Variants in MYPN observed in about 807,000 individuals in gnomAD.
MYPN encodes sarcomeric protein myopalladin, 145 kDa (MYOP).
MYPN carries 63 observed loss-of-function variants against 129.4 expected under a neutral mutation model. The ratio of observed to expected loss-of-function variants is 0.49; its 90% CI spans 0.40 to 0.60. The LOEUF is 0.60. Ranked by LOEUF, MYPN falls within the 20% of genes least tolerant of loss-of-function variation. The pLI, the probability that MYPN is intolerant of heterozygous loss-of-function variation, is 0.00. For missense variants in MYPN, 1,596 were observed against 1,635.4 expected, an observed-to-expected ratio of 0.98 and a Z score of 0.42; for synonymous variants, 629 against 600.9, an observed-to-expected ratio of 1.05 and a Z score of -0.68.
At chr10:68,196,796 T>TGCCTCCTCCTCC (rs2043614462) in intron 15 of MYPN, among the ~76,000 whole-genome samples, 1 of 152,082 alleles carries the variant, frequency 6.6e-6, no homozygotes, top group East Asian at 1.9e-4. Context: ...CCTCTCCCTT[T>TGCCTCCTCCTCC]GCCTCCTCCT....
intron 2 of MYPN, chr10:68,136,678 A>T (rs2134043089): frequency 6.5e-7 from 1 of 1,535,252 alleles, no homozygotes; most frequent in Non-Finnish European, 8.7e-7. Context: ...GAATCATTCC[A>T]CTTATCTCCT....
rs1201997427 is a variant in MYPN, at chr10:68,116,746, G to T, written c.-1-4692G>T. On this transcript the variant is annotated intron_variant, in intron 1 of 19. Transcript: ENST00000358913. The stretch of plus-strand genomic sequence containing the variant: ...AGCGAGAGTCTATCTCAAAAAAAAA[G>T]AAAGAAAAGAAAGAAAAAAGAAAAC... Among the ~76,000 whole-genome samples, 3 of 151,516 alleles carry T rather than the reference G, an allele frequency of 2.0e-5. No individual in the cohort carries two copies. The East Asian group carries it at 5.8e-4, about 29-fold the overall frequency.
chr10:68,194,016 G>A (rs2043560456), intron 13 of MYPN, among the ~76,000 whole-genome samples: 1 of 151,876 alleles, frequency 6.6e-6, no homozygotes, highest in Non-Finnish European at 1.5e-5. Flanking sequence ...CCACTCTCCT[G>A]GTTTTCATTA....
chr10:68,150,063 G>T lies in MYPN; in HGVS notation c.1269G>T (p.Leu423Phe). 6.2e-7 allele frequency: 1 copy of T among 1,613,850 alleles called. No individual in the cohort carries two copies. Among genetic ancestry groups the T allele is most frequent in the Non-Finnish European group, 8.5e-7 (1 of 1,179,798 alleles). ...AGTGTCAGAGCCCCACCAATTACTT[G>T]CAGGGATTGGATGGAAAACCTATCA... Reference protein sequence around the residue: ...IQQCQSPTNYLQGLDGKPIIA... With the variant: ...IQQCQSPTNYFQGLDGKPIIA... The change falls in exon 6 of 20, where the codon TTG (leucine) becomes TTT (phenylalanine). Residue 423 changes from leucine to phenylalanine, a missense_variant. Coordinates refer to ENST00000358913, the MANE Select transcript of MYPN (RefSeq NM_032578.4).
chr10:68,162,820 G>A (rs888766322), intron 8 of MYPN, among the ~76,000 whole-genome samples: 12 of 152,168 alleles, frequency 7.9e-5, no homozygotes, highest in Non-Finnish European at 1.5e-4. Flanking sequence ...AGCCAGGATA[G>A]GGTTTTTAAG....
chr10:68,152,584 A>G (rs1321716607), intron 6 of MYPN, among the ~76,000 whole-genome samples: 4 of 152,156 alleles, frequency 2.6e-5, no homozygotes, highest in African/African-American at 4.8e-5. Context: ...ATAGGTAAAA[A>G]GTTGTTATTA....
rs375465809 is a variant in MYPN at position 68,145,534 on chromosome 10, T to A, written c.1130+8T>A. ...CAAGGAAGAGATGAATCGGTAATTC[T>A]GATTTTCTGTCTTATAGCTTTAGCA... On this transcript the variant is annotated splice_region_variant and intron_variant, in intron 4 of 19. Transcript: ENST00000358913. The A allele has an allele frequency of 1.2e-6, 2 of 1,610,500 alleles. No individual in the cohort carries two copies. The highest frequency in any genetic ancestry group is 2.7e-5 in the African/African-American group (2 of 74,706).
At chr10:68,159,314 C>T (rs1216775830) in intron 7 of MYPN, among the ~76,000 whole-genome samples, 1 of 152,186 alleles carries the variant, frequency 6.6e-6, no homozygotes, top group African/African-American at 2.4e-5. Flanking sequence ...CTACAACCAA[C>T]AATACGTGGG....
At chr10:68,157,337 A>G (rs189470122) in intron 6 of MYPN, among the ~76,000 whole-genome samples, 1 of 152,310 alleles carries the variant, frequency 6.6e-6, no homozygotes, top group Admixed American at 6.5e-5. Context: ...ATCAATTTCC[A>G]GGACTGCAGA....
At chr10:68,202,124 T>G (rs1301565527) in intron 18 of MYPN, 130 bp downstream of exon 18, 3 of 1,141,100 alleles carry the variant, frequency 2.6e-6, no homozygotes, top group Non-Finnish European at 3.9e-6. Flanking sequence ...TCATTGATAT[T>G]ATTGTGTGTA....
At chr10:68,128,006 A>G (rs1009988772) in intron 2 of MYPN, among the ~76,000 whole-genome samples, 1 of 152,084 alleles carries the variant, frequency 6.6e-6, no homozygotes, top group African/African-American at 2.4e-5. Context: ...TTGAAAAATT[A>G]TTTTGTTTAT....
chr10:68,133,202 G>T (rs577395474), intron 2 of MYPN, among the ~76,000 whole-genome samples: 133 of 151,722 alleles, frequency 8.8e-4, no homozygotes, highest in African/African-American at 2.4e-3. Context: ...ATTTTTGTAT[G>T]TTTAGTAGAG....
intron 2 of MYPN, chr10:68,135,412 T>C: frequency 1.1e-6 from 1 of 886,380 alleles, no homozygotes; most frequent in Non-Finnish European, 1.4e-6. Flanking sequence ...TCAACATAAC[T>C]TTATTAGACA....
chr10:68,155,177 T>A (rs1248112768), intron 6 of MYPN, among the ~76,000 whole-genome samples: 1 of 152,020 alleles, frequency 6.6e-6, no homozygotes, highest in Non-Finnish European at 1.5e-5. Context: ...CAAGACTCCA[T>A]CTCAGAAAAC....
At chr10:68,135,108 T>A (rs1292863760) in intron 2 of MYPN, among the ~76,000 whole-genome samples, 4 of 151,978 alleles carry the variant, frequency 2.6e-5, no homozygotes, top group Non-Finnish European at 5.9e-5. Context: ...CGCGCTACCA[T>A]GCCTGGCTAA....
chr10:68,155,352 T>C (rs376963510), intron 6 of MYPN, among the ~76,000 whole-genome samples: 1 of 152,198 alleles, frequency 6.6e-6, no homozygotes, highest in Non-Finnish European at 1.5e-5. Context: ...CAAGTCTCTA[T>C]GTTGTCAAGT....
At chr10:68,185,936 T>C (rs2043414104) in intron 12 of MYPN, among the ~76,000 whole-genome samples, 1 of 152,222 alleles carries the variant, frequency 6.6e-6, no homozygotes, top group Admixed American at 6.5e-5. Flanking sequence ...TTGTGAAGAA[T>C]TAGGCTGAAT....
chr10:68,142,999 G>C lies in MYPN; in HGVS notation c.962G>C (p.Gly321Ala). 6.2e-7 allele frequency: 1 copy of C among 1,614,166 alleles called. No individual in the cohort carries two copies. Among genetic ancestry groups the C allele is most frequent in the African/African-American group, 1.3e-5 (1 of 75,050 alleles). ...NSPDIHIVQA[G>A]NLHSLTIAEA... ...CCAGATATTCACATCGTCCAGGCAG[G>C]AAATCTGCACTCACTGACCATTGCG... The change falls in exon 3 of 20, where the codon GGA becomes GCA. Residue 321 changes from glycine to alanine, a missense_variant. By Grantham distance (60) the Gly-to-Ala change is moderately conservative. Coordinates refer to ENST00000358913, the MANE Select transcript of MYPN (RefSeq NM_032578.4).
At chr10:68,106,467 G>T, upstream of MYPN, 1 of 495,618 alleles carries the variant, frequency 2.0e-6, no homozygotes, top group Non-Finnish European at 3.6e-6. Flanking sequence ...ACTTGTCTTT[G>T]CTGTGAAAAT....
Sources: gnomAD v4.1 joint callset for allele counts (sites outside exome capture counted in the v4.1 genomes callset) on GRCh38, gnomAD v4.1.1 for gene constraint, MANE v1.5 for transcripts, NCBI Gene and HGNC (gene_info 2026-07-23, HGNC 2026-07-21) for gene names.